The following MAGI2 variants were observed in gnomAD, a reference collection of about 807,000 sequenced individuals.
MAGI2 encodes the protein membrane-associated guanylate kinase, WW and PDZ domain-containing protein 2.
Under a neutral mutation model 133.3 loss-of-function variants are expected in MAGI2, and 35 were observed. The ratio of observed to expected loss-of-function variants is 0.26; its 90% CI spans 0.20 to 0.35. The LOEUF (loss-of-function observed/expected upper bound fraction) is 0.35. Among genes scored for constraint, MAGI2 ranks in the 10% least tolerant of loss-of-function variants. The probability of loss-of-function intolerance (pLI) is 1.00; values close to 1 mark genes in which losing one functional copy is unlikely to be tolerated. For synonymous variants in MAGI2, 729 were observed against 710.6 expected, an observed-to-expected ratio of 1.03 and a Z score of -0.41; for missense variants, 1,636 against 1,863.4, an observed-to-expected ratio of 0.88 and a Z score of 2.25.
intron 1 of MAGI2, among the ~76,000 whole-genome samples, chr7:79,224,322 A>G (rs2129553648): frequency 6.6e-6 from 1 of 152,124 alleles, no homozygotes; most frequent in South Asian, 2.1e-4. Flanking sequence ...AGCATGAAAT[A>G]AGTATTGAGC....
chr7:79,287,122 T>C (rs1211191753), intron 1 of MAGI2, among the ~76,000 whole-genome samples: 1 of 152,092 alleles, frequency 6.6e-6, no homozygotes, highest in East Asian at 1.9e-4. Flanking sequence ...GTCCTTGAAC[T>C]AGCAGCATCA....
chr7:78,715,090 A>G (rs548223177), intron 2 of MAGI2, among the ~76,000 whole-genome samples: 1 of 152,326 alleles, frequency 6.6e-6, no homozygotes, highest in African/African-American at 2.4e-5. Flanking sequence ...GCTGATATTT[A>G]CTAAGAGAGT....
chr7:79,321,142 TAGTA>T (rs1267874927), intron 1 of MAGI2, among the ~76,000 whole-genome samples: 10 of 152,256 alleles, frequency 6.6e-5, no homozygotes, highest in Admixed American at 6.5e-5. Flanking sequence ...CATTTATTTG[TAGTA>T]AGTGAGATGT....
chr7:78,801,804 T>C (rs1788079349), intron 2 of MAGI2, among the ~76,000 whole-genome samples: 1 of 152,130 alleles, frequency 6.6e-6, no homozygotes, highest in African/African-American at 2.4e-5. Context: ...GTGATCTCAT[T>C]TATTACTCAC....
At chr7:78,395,167 T>C (rs1161197152) in intron 6 of MAGI2, among the ~76,000 whole-genome samples, 1 of 152,160 alleles carries the variant, frequency 6.6e-6, no homozygotes, top group Non-Finnish European at 1.5e-5. Context: ...TAGGGTCCTT[T>C]AGTGATTCTT....
At chr7:78,328,502 A>AACACACACACACACACACACAC (rs1554346526) in intron 9 of MAGI2, among the ~76,000 whole-genome samples, 2,322 of 105,050 alleles carry the variant, frequency 0.022, 67 homozygotes, top group South Asian at 0.061. Flanking sequence ...CCAGCTCTAA[A>AACACACACACACACACACACAC]ACACACACAC....
At chr7:78,682,312 T>G (rs1815761869) in intron 2 of MAGI2, among the ~76,000 whole-genome samples, 1 of 152,058 alleles carries the variant, frequency 6.6e-6, no homozygotes, top group Non-Finnish European at 1.5e-5. Context: ...CCATGGTGGT[T>G]TGCTGCACCA....
At chr7:78,254,995 T>C (rs1044181745) in intron 10 of MAGI2, 1 of 152,270 alleles carries the variant, frequency 6.6e-6, no homozygotes, top group Non-Finnish European at 1.5e-5. Context: ...TGACTTTCAG[T>C]GTCCTAAGTC....
chr7:79,279,327 CA>C (rs1446390230), intron 1 of MAGI2, among the ~76,000 whole-genome samples: 2 of 152,092 alleles, frequency 1.3e-5, no homozygotes, highest in African/African-American at 4.8e-5. Context: ...CTGAAGGAAC[CA>C]AGCCCCTATG....
chr7:78,585,419 G>A (rs79225663), intron 3 of MAGI2, among the ~76,000 whole-genome samples: 3,071 of 152,296 alleles, frequency 0.02, 112 homozygotes, highest in African/African-American at 0.067. Context: ...ACTGTACCCA[G>A]GAAGAACTGC....
At chr7:78,096,865 C>T (rs918255474) in intron 20 of MAGI2, among the ~76,000 whole-genome samples, 5 of 152,082 alleles carry the variant, frequency 3.3e-5, no homozygotes, top group Non-Finnish European at 7.4e-5. Context: ...GAGAAAGAAA[C>T]TATCAACAGA....
chr7:79,423,623 A>C (rs1847131084), intron 1 of MAGI2, among the ~76,000 whole-genome samples: 1 of 152,120 alleles, frequency 6.6e-6, no homozygotes, highest in South Asian at 2.1e-4. Flanking sequence ...GATACGAAGT[A>C]TATGTATTAT....
intron 6 of MAGI2, chr7:78,484,844 T>C (rs1037044304): frequency 2.0e-5 from 3 of 151,954 alleles, no homozygotes; most frequent in Non-Finnish European, 4.4e-5. Context: ...CATTTACAGG[T>C]AAGAAAATCT....
intron 2 of MAGI2, among the ~76,000 whole-genome samples, chr7:78,728,173 C>A (rs1821002870): frequency 1.3e-5 from 2 of 152,050 alleles, no homozygotes; most frequent in African/African-American, 4.8e-5. Flanking sequence ...GATGTTCATT[C>A]CCTGCGAGGT....
At chr7:78,786,084 C>A (rs553109703) in intron 2 of MAGI2, among the ~76,000 whole-genome samples, 1 of 152,084 alleles carries the variant, frequency 6.6e-6, no homozygotes, top group South Asian at 2.1e-4. Context: ...CCCCCCACAA[C>A]CCCTGATAGA....
At chr7:78,187,381 A>G (rs543742633) in intron 12 of MAGI2, among the ~76,000 whole-genome samples, 1 of 152,282 alleles carries the variant, frequency 6.6e-6, no homozygotes, top group South Asian at 2.1e-4. Context: ...GGCAACTTAC[A>G]GTTTTGAAAG....
intron 2 of MAGI2, among the ~76,000 whole-genome samples, chr7:78,691,461 A>G (rs892122955): frequency 3.9e-5 from 6 of 152,206 alleles, no homozygotes; most frequent in African/African-American, 1.4e-4. Context: ...GGAAAATAAC[A>G]GGGTACTTAG....
At chr7:78,220,269 C>T (rs994146787) in intron 10 of MAGI2, among the ~76,000 whole-genome samples, 7 of 152,210 alleles carry the variant, frequency 4.6e-5, no homozygotes, top group African/African-American at 1.7e-4. Flanking sequence ...ATTCTTATCT[C>T]ATGCACCACC....
At chr7:79,394,402 C>T (rs188687278) in intron 1 of MAGI2, among the ~76,000 whole-genome samples, 2 of 152,088 alleles carry the variant, frequency 1.3e-5, no homozygotes, top group Admixed American at 6.6e-5. Flanking sequence ...CTGATTGTGC[C>T]GATTCCTGTT....
Sources: allele counts gnomAD v4.1 joint callset (sites outside exome capture counted in the v4.1 genomes callset), GRCh38; gene constraint gnomAD v4.1.1; transcripts MANE v1.5; gene names NCBI Gene and HGNC (gene_info 2026-07-23, HGNC 2026-07-21).